Variants in EMILIN2 observed in about 807,000 individuals in gnomAD.
EMILIN2 encodes the protein elastin microfibril interfacer 2, also known as EMILIN-2.
EMILIN2 carries 71 observed loss-of-function variants against 87.1 expected under a neutral mutation model. The ratio of observed to expected loss-of-function variants is 0.82; its 90% CI spans 0.67 to 0.99. EMILIN2 has a LOEUF of 0.99. Ranked by LOEUF, EMILIN2 falls within the 50% of genes least tolerant of loss-of-function variation. The probability of loss-of-function intolerance (pLI) is 0.00; values close to 1 mark genes in which losing one functional copy is unlikely to be tolerated. For synonymous variants in EMILIN2, 581 were observed against 563.4 expected, an observed-to-expected ratio of 1.03 and a Z score of -0.44; for missense variants, 1,407 against 1,371.8, an observed-to-expected ratio of 1.03 and a Z score of -0.40.
chr18:2,876,389 T>G (rs1598492766), intron 2 of EMILIN2, among the ~76,000 whole-genome samples: 1 of 152,194 alleles, frequency 6.6e-6, no homozygotes, highest in African/African-American at 2.4e-5. Context: ...CCAGCAGATA[T>G]ATCTTTTGTA....
At position 2,850,712 on chromosome 18, in the gene EMILIN2, G is replaced by A. The variant is rs139384978; in HGVS notation, c.257+2781G>A. 3.6e-3 allele frequency among the ~76,000 whole-genome samples: 555 copies of A among 152,270 alleles called. 1 individual carries two copies. Among genetic ancestry groups the A allele is most frequent in the Non-Finnish European group, 6.1e-3 (413 of 68,022 alleles). The stretch of plus-strand genomic sequence containing the variant: ...GGAAGTACAGGGCTGGAGGTTGGCC[G>A]AGATGCTGGAGATAGAAACGCATTT... On this transcript the variant is annotated intron_variant, in intron 2 of 7. Coordinates refer to ENST00000254528, the MANE Select transcript of EMILIN2 (RefSeq NM_032048.3).
chr18:2,909,551 G>A (rs2076931093), intron 6 of EMILIN2, 140 bp from the exon 7 acceptor site: 10 of 1,041,860 alleles, frequency 9.6e-6, no homozygotes, highest in Non-Finnish European at 1.4e-5. Context: ...TGTTGGGCAT[G>A]AGGAGTTTGC....
intron 3 of EMILIN2, among the ~76,000 whole-genome samples, chr18:2,889,252 C>G (rs2144033744): frequency 6.8e-6 from 1 of 147,120 alleles, no homozygotes; most frequent in Admixed American, 7.1e-5. Context: ...ATTTTTCTGT[C>G]TCAGCCTCCC....
chr18:2,913,640 GGA>G lies in EMILIN2; in HGVS notation c.*237_*238del. The G allele has an allele frequency of 1.8e-4, 64 of 359,144 alleles. No individual in the cohort carries two copies. Among genetic ancestry groups the G allele is most frequent in the Middle Eastern group, 7.1e-4 (1 of 1,408 alleles). The allele number at this position is 359,144 out of a possible 1,614,324, so 22.2% of individuals were successfully genotyped here. A position where few individuals can be genotyped will look rare whatever the true frequency, so the allele number is the denominator to read the frequency against. Reference sequence around the variant, plus strand: ...TTTCTGCCACTCTAACTGGACAACTGGAAGACTTGGAAAGGCCTCCACCTGTA... The same window carrying G: ...TTTCTGCCACTCTAACTGGACAACTGAGACTTGGAAAGGCCTCCACCTGTA... On this transcript the variant is annotated 3_prime_UTR_variant, in exon 8 of 8. Transcript: ENST00000254528.
At position 2,890,339 on chromosome 18, in the gene EMILIN2, C is replaced by G. The variant is rs2076828247; in HGVS notation, c.434-222C>G. Among the ~76,000 whole-genome samples the G allele has an allele frequency of 6.6e-6, 1 of 152,114 alleles. No individual in the cohort carries two copies. ...GTTCACAGAAGTTAGTTAACTTGCT[C>G]AAGGACAAACAGTAAATAGCAGAGC... On this transcript the variant is annotated intron_variant, in intron 3 of 7. Coordinates refer to ENST00000254528, the MANE Select transcript of EMILIN2 (RefSeq NM_032048.3). This position sits in a 1 kb window ranked among gnomAD's most constrained non-coding sequence, Gnocchi z 4.7.
rs1033843583 is a variant in EMILIN2 at position 2,914,162 on chromosome 18, G to A, written c.*758G>A. On this transcript the variant is annotated 3_prime_UTR_variant, in exon 8 of 8. Transcript: ENST00000254528. ...GAAGAAATGTTTTGTTTCAAAAAGG[G>A]CTACAGAAAGTAACCTTGAGTAAAA... 4 of 152,556 alleles carry A rather than the reference G, an allele frequency of 2.6e-5. No individual in the cohort carries two copies. The highest frequency in any genetic ancestry group is 9.7e-5 in the African/African-American group (4 of 41,446). The allele number at this position is 152,556 out of a possible 1,614,324, so 9.5% of individuals were successfully genotyped here. A position where few individuals can be genotyped will look rare whatever the true frequency, so the allele number is the denominator to read the frequency against.
At chr18:2,903,268 G>GA (rs1278305530) in intron 4 of EMILIN2, among the ~76,000 whole-genome samples, 1 of 152,048 alleles carries the variant, frequency 6.6e-6, no homozygotes, top group East Asian at 1.9e-4. Flanking sequence ...GAGGAGGAAA[G>GA]AAAAGAAAGA....
intron 2 of EMILIN2, among the ~76,000 whole-genome samples, chr18:2,865,134 G>C (rs560138850): frequency 6.6e-6 from 1 of 151,784 alleles, no homozygotes; most frequent in African/African-American, 2.4e-5. Flanking sequence ...TTTTTTCAAG[G>C]TTTTTAACTT....
chr18:2,901,479 T>C (rs112159274), intron 4 of EMILIN2, among the ~76,000 whole-genome samples: 163 of 152,276 alleles, frequency 1.1e-3, no homozygotes, highest in African/African-American at 3.5e-3. Flanking sequence ...GGTTTTGAAA[T>C]TGACTTTTAA....
rs200139905 is a variant in EMILIN2, at chr18:2,908,987, G to C, written c.2695+12G>C. 259 of 1,612,996 alleles carry C rather than the reference G, an allele frequency of 1.6e-4. 1 individual carries two copies. Among genetic ancestry groups the C allele is most frequent in the Middle Eastern group, 3.8e-4 (2 of 5,288 alleles). On this transcript the variant is annotated intron_variant, in intron 6 of 7. Transcript: ENST00000254528. ...TGTAGCTTCCCCAGGTATGTCTGCT[G>C]AGAGACCAGGAGCAGGAGGAGCGGT...
At chr18:2,876,540 G>C (rs1442740369) in intron 2 of EMILIN2, among the ~76,000 whole-genome samples, 1 of 125,954 alleles carries the variant, frequency 7.9e-6, no homozygotes, top group Non-Finnish European at 1.8e-5. Context: ...GCCGAGGTGG[G>C]TGGATCACAA....
intron 2 of EMILIN2, among the ~76,000 whole-genome samples, chr18:2,863,865 G>T (rs974139153): frequency 1.3e-5 from 2 of 152,118 alleles, no homozygotes; most frequent in Non-Finnish European, 2.9e-5. Context: ...AAGTCTCTTT[G>T]TAGGTCTCTA....
chr18:2,861,088 T>G (rs1443452522), intron 2 of EMILIN2, among the ~76,000 whole-genome samples: 1 of 144,406 alleles, frequency 6.9e-6, no homozygotes, highest in East Asian at 1.9e-4. Context: ...GGGTTTTTTG[T>G]TTTTTTTCTT....
chr18:2,864,376 A>G (rs2076675996), intron 2 of EMILIN2, among the ~76,000 whole-genome samples: 1 of 151,992 alleles, frequency 6.6e-6, no homozygotes, highest in South Asian at 2.1e-4. Context: ...TCCTTTCCAT[A>G]TTTAGTGCTT....
intron 2 of EMILIN2, among the ~76,000 whole-genome samples, chr18:2,870,980 C>T (rs1009458731): frequency 6.6e-6 from 1 of 152,142 alleles, no homozygotes; most frequent in Non-Finnish European, 1.5e-5. Flanking sequence ...TAAATTTTCC[C>T]TGGTTTCTAA....
chr18:2,902,358 C>T (rs1449745981), intron 4 of EMILIN2, among the ~76,000 whole-genome samples: 1 of 152,212 alleles, frequency 6.6e-6, no homozygotes, highest in African/African-American at 2.4e-5. Flanking sequence ...ACTCATCAGT[C>T]AGCCAGAGAG....
At chr18:2,905,745 G>C (rs995293176) in intron 4 of EMILIN2, among the ~76,000 whole-genome samples, 1 of 150,992 alleles carries the variant, frequency 6.6e-6, no homozygotes, top group Non-Finnish European at 1.5e-5. Context: ...TGGGATTACA[G>C]GTGCGCTCCA....
chr18:2,898,232 TG>T (rs1568480492), intron 4 of EMILIN2, among the ~76,000 whole-genome samples: 1 of 152,366 alleles, frequency 6.6e-6, no homozygotes, highest in East Asian at 1.9e-4. Flanking sequence ...GGGTGTGTCC[TG>T]GCCACAGGGT....
intron 2 of EMILIN2, among the ~76,000 whole-genome samples, chr18:2,865,272 C>T (rs968995258): frequency 2.0e-5 from 3 of 152,158 alleles, no homozygotes; most frequent in African/African-American, 7.2e-5. Context: ...AGCTGTGTTC[C>T]TTTGGAGGAG....
Sources: gnomAD v4.1 joint callset for allele counts (sites outside exome capture counted in the v4.1 genomes callset) on GRCh38, gnomAD v4.1.1 for gene constraint, Gnocchi (gnomAD v3.1) non-coding constraint, MANE v1.5 for transcripts, NCBI Gene and HGNC (gene_info 2026-07-23, HGNC 2026-07-21) for gene names.